CALN1: variants seen among roughly 807,000 people sequenced by gnomAD.
CALN1 encodes calneuron 1, also known as calcium-binding protein 8.
CALN1 carries 17 observed loss-of-function variants against 30.6 expected under a neutral mutation model. That is an observed-to-expected ratio of 0.56 (90% CI 0.38 to 0.83). CALN1 has a LOEUF of 0.83. Among genes scored for constraint, CALN1 ranks in the 40% least tolerant of loss-of-function variants. CALN1 has a pLI of 0.00. For missense variants in CALN1, 291 were observed against 354.9 expected, an observed-to-expected ratio of 0.82 and a Z score of 1.45; for synonymous variants, 156 against 131.4, an observed-to-expected ratio of 1.19 and a Z score of -1.28.
At chr7:72,367,855 C>T (rs1219595863) in intron 2 of CALN1, among the ~76,000 whole-genome samples, 6 of 151,694 alleles carry the variant, frequency 4.0e-5, no homozygotes, top group East Asian at 3.9e-4. Flanking sequence ...ATATATAGGC[C>T]GGGTCCAGTG....
chr7:72,384,404 A>C (rs1805084464), intron 2 of CALN1, among the ~76,000 whole-genome samples: 2 of 152,222 alleles, frequency 1.3e-5, no homozygotes, highest in Admixed American at 1.3e-4. Flanking sequence ...ACCTTTAAAA[A>C]GGTAAAGAAG....
intron 3 of CALN1, among the ~76,000 whole-genome samples, chr7:72,142,480 G>A (rs1017465806): frequency 1.3e-5 from 2 of 152,206 alleles, no homozygotes; most frequent in African/African-American, 4.8e-5. Flanking sequence ...CAGGAAGCTC[G>A]AACTGGGTGG....
intron 4 of CALN1, among the ~76,000 whole-genome samples, chr7:72,100,441 C>T (rs1457215675): frequency 1.3e-5 from 2 of 152,104 alleles, no homozygotes; most frequent in Non-Finnish European, 2.9e-5. Flanking sequence ...CTTGGCCTCC[C>T]GAAGTGCTGG....
In CALN1 at chr7:72,233,713, A is replaced by C. The variant is rs979758250; in HGVS notation, c.244+44973T>G. ...CAGAGCAAGGCCCTTTCTTTTAAAA[A>C]CTAAATTAGGCCAGGCATGCTGGCT... On this transcript the variant is annotated intron_variant, in intron 3 of 6. Transcript: ENST00000395275. Among the ~76,000 whole-genome samples, 11 of 152,076 alleles carry C rather than the reference A, an allele frequency of 7.2e-5. 1 individual carries two copies. The highest frequency in any genetic ancestry group is 1.5e-5 in the Non-Finnish European group (1 of 68,000).
chr7:72,231,048 G>A (rs1041098375), intron 3 of CALN1, among the ~76,000 whole-genome samples: 5 of 151,992 alleles, frequency 3.3e-5, no homozygotes, highest in Non-Finnish European at 7.4e-5. Flanking sequence ...TAGCCACACT[G>A]TCTACACTAC....
rs56041427 is a variant in CALN1, at chr7:71,851,208, AACACACACACACAC to A, written c.502-40730_502-40717del. Among the ~76,000 whole-genome samples, 1,017 of 132,172 alleles carry A rather than the reference AACACACACACACAC, an allele frequency of 7.7e-3. 18 individuals carry two copies. The highest frequency in any genetic ancestry group is 0.028 in the African/African-American group (958 of 34,752). 86.7% of individuals were successfully genotyped at this position (132,172 alleles called of 152,430 possible). ...GGCGACAGAGAGAGACCTTGTCTCAAACACACACACACACACACACACACACACACACACACACA... is the reference window on the plus strand; with the variant it reads ...GGCGACAGAGAGAGACCTTGTCTCAAACACACACACACACACACACACACA... On this transcript the variant is annotated intron_variant, in intron 5 of 6. Coordinates refer to ENST00000395275, the MANE Select transcript of CALN1 (RefSeq NM_031468.4).
At chr7:72,411,628 T>C (rs1036036115) in intron 1 of CALN1, among the ~76,000 whole-genome samples, 5 of 152,162 alleles carry the variant, frequency 3.3e-5, no homozygotes, top group East Asian at 1.9e-4. Context: ...ATCAGCTCCA[T>C]GGGAGGAAAT....
chr7:72,353,732 C>T (rs1055467313), intron 2 of CALN1, among the ~76,000 whole-genome samples: 1 of 152,094 alleles, frequency 6.6e-6, no homozygotes, highest in African/African-American at 2.4e-5. Context: ...ACAGAAAATG[C>T]ATCCCGATTG....
At chr7:72,402,180 G>C (rs12699137) in intron 2 of CALN1, among the ~76,000 whole-genome samples, 1 of 152,088 alleles carries the variant, frequency 6.6e-6, no homozygotes, top group Non-Finnish European at 1.5e-5. Context: ...GTAGGTAAGC[G>C]TTCTCTTGGC....
intron 3 of CALN1, among the ~76,000 whole-genome samples, chr7:72,226,615 A>C (rs1022969330): frequency 2.6e-5 from 4 of 152,332 alleles, no homozygotes; most frequent in South Asian, 2.1e-4. Context: ...TATGATCCCC[A>C]AACACATCTT....
chr7:71,964,976 G>A (rs111296776), intron 5 of CALN1, among the ~76,000 whole-genome samples: 32 of 152,244 alleles, frequency 2.1e-4, no homozygotes, highest in African/African-American at 7.2e-4. Context: ...AGTAGAGACC[G>A]TTTTTGAGGA....
intron 4 of CALN1, among the ~76,000 whole-genome samples, chr7:72,068,315 G>A (rs1254410861): frequency 6.6e-6 from 1 of 152,182 alleles, no homozygotes; most frequent in Non-Finnish European, 1.5e-5. Flanking sequence ...ATAGATACGA[G>A]AAGGTTCTAA....
At chr7:71,831,889 A>AC (rs1188472227) in intron 5 of CALN1, among the ~76,000 whole-genome samples, 41 of 150,076 alleles carry the variant, frequency 2.7e-4, no homozygotes, top group African/African-American at 8.7e-4. Flanking sequence ...AAAAAAAAAA[A>AC]AAAAAAAACA....
At chr7:72,229,438 A>G (rs1793926157) in intron 3 of CALN1, among the ~76,000 whole-genome samples, 2 of 152,002 alleles carry the variant, frequency 1.3e-5, no homozygotes, top group Admixed American at 1.3e-4. Flanking sequence ...CTGGGTGTGT[A>G]CCCAAATGAT....
intron 5 of CALN1, among the ~76,000 whole-genome samples, chr7:71,834,152 G>T (rs372737273): frequency 6.1e-4 from 88 of 144,470 alleles, no homozygotes; most frequent in African/African-American, 2.2e-3. Context: ...AATCCAGGAG[G>T]CAAAGGTTGC....
intron 3 of CALN1, among the ~76,000 whole-genome samples, chr7:72,226,011 ACT>A: frequency 6.7e-6 from 1 of 149,656 alleles, no homozygotes; most frequent in East Asian, 2.0e-4. Context: ...CAGGAGAATC[ACT>A]TGAACCCGGG....
chr7:72,237,961 G>C (rs1794581315), intron 3 of CALN1, among the ~76,000 whole-genome samples: 2 of 152,222 alleles, frequency 1.3e-5, no homozygotes, highest in Admixed American at 6.5e-5. Flanking sequence ...GTTTTGGCAA[G>C]TTGATGAATG....
rs529265565 is a variant in CALN1 at position 72,043,935 on chromosome 7, C to T, written c.389-20166G>A. On this transcript the variant is annotated intron_variant, in intron 4 of 6. Coordinates refer to ENST00000395275, the MANE Select transcript of CALN1 (RefSeq NM_031468.4). ...AGCAAGTTACATGGATGTTGGCAGGCAAAGGAGAGGGCTTGTGTAGAGGAA... is the reference window on the plus strand; with the variant it reads ...AGCAAGTTACATGGATGTTGGCAGGTAAAGGAGAGGGCTTGTGTAGAGGAA... 2.7e-4 allele frequency among the ~76,000 whole-genome samples: 41 copies of T among 152,248 alleles called. 1 individual carries two copies. In the South Asian group the frequency reaches 7.9e-3, roughly 29 times the overall value.
intron 6 of CALN1, among the ~76,000 whole-genome samples, chr7:71,807,575 T>A (rs912595213): frequency 6.6e-6 from 1 of 152,194 alleles, no homozygotes; most frequent in Admixed American, 6.5e-5. Flanking sequence ...CCAGAGGTCA[T>A]ACAAGAATGC....
Sources: gnomAD v4.1 joint callset for allele counts (sites outside exome capture counted in the v4.1 genomes callset) on GRCh38, gnomAD v4.1.1 for gene constraint, MANE v1.5 for transcripts, NCBI Gene and HGNC (gene_info 2026-07-23, HGNC 2026-07-21) for gene names.